GALNT2: variants seen among roughly 807,000 people sequenced by gnomAD.
The protein encoded by GALNT2 is UDP-GalNAc:polypeptide N-acetylgalactosaminyltransferase 2.
A neutral mutation model predicts 81.4 loss-of-function variants in GALNT2; 31 were observed. That is an observed-to-expected ratio of 0.38 (90% CI 0.29 to 0.51). The LOEUF (loss-of-function observed/expected upper bound fraction) is 0.51, where lower values mean the gene tolerates loss of function less well. Among genes scored for constraint, GALNT2 ranks in the 20% least tolerant of loss-of-function variants. GALNT2 has a pLI of 0.87. For synonymous variants in GALNT2, 303 were observed against 287.4 expected, an observed-to-expected ratio of 1.05 and a Z score of -0.55; for missense variants, 629 against 765.7, an observed-to-expected ratio of 0.82 and a Z score of 2.11.
chr1:230,200,853 A>G (rs1345958917), intron 2 of GALNT2, among the ~76,000 whole-genome samples: 1 of 152,194 alleles, frequency 6.6e-6, no homozygotes, highest in Non-Finnish European at 1.5e-5. Context: ...TCTTTATTCC[A>G]TAGTTCAAAG....
Position 230,178,270 on chromosome 1 carries a change from A to G in GALNT2, c.179A>G (p.Asn60Ser), listed in dbSNP as rs149587406. Reference protein sequence around the residue: ...PIKKKDLHHSNGEEKAQSMET... With the variant: ...PIKKKDLHHSSGEEKAQSMET... ...AAAAAGAAAGACCTTCATCACAGCA[A>G]TGGAGAAGAGAAAGCACAAAGCATG... The change falls in exon 2 of 16, where the codon AAT (asparagine) becomes AGT (serine). Residue 60 changes from asparagine (N) to serine (S), a missense_variant. Physicochemically the swap from Asn to Ser is conservative, Grantham distance 46. This residue lies in a region of GALNT2 where 360 missense variants were observed against 492.8 expected (regional missense o/e 0.73). Coordinates refer to ENST00000366672, the MANE Select transcript of GALNT2 (RefSeq NM_004481.5). 1.5e-5 allele frequency: 25 copies of G among 1,614,152 alleles called. No individual in the cohort carries two copies. In the African/African-American group the frequency reaches 3.3e-4, roughly 22 times the overall value.
intron 6 of GALNT2, among the ~76,000 whole-genome samples, chr1:230,238,067 A>G (rs1361049018): frequency 2.0e-5 from 3 of 152,224 alleles, no homozygotes; most frequent in Non-Finnish European, 4.4e-5. Context: ...GAGAAGCCAG[A>G]TTATGGAAAG....
intron 1 of GALNT2, among the ~76,000 whole-genome samples, chr1:230,147,141 T>G (rs181222647): frequency 6.6e-6 from 1 of 152,128 alleles, no homozygotes; most frequent in African/African-American, 2.4e-5. Context: ...GGGTGGGCAG[T>G]GCCAAGCTGG....
chr1:230,161,762 A>C (rs1662444458), intron 1 of GALNT2, among the ~76,000 whole-genome samples: 1 of 152,148 alleles, frequency 6.6e-6, no homozygotes, highest in Non-Finnish European at 1.5e-5. Flanking sequence ...TTGTGAAGTT[A>C]ATTGAGACTA....
At chr1:230,096,640 G>T (rs1347614018) in intron 1 of GALNT2, among the ~76,000 whole-genome samples, 3 of 151,944 alleles carry the variant, frequency 2.0e-5, no homozygotes, top group Non-Finnish European at 2.9e-5. Context: ...CTCCCTCCCT[G>T]CTCCCATCCT....
intron 1 of GALNT2, among the ~76,000 whole-genome samples, chr1:230,115,354 G>A (rs142569806): frequency 6.6e-6 from 1 of 152,208 alleles, no homozygotes; most frequent in East Asian, 1.9e-4. Flanking sequence ...AGAAAATTGT[G>A]GGTTTGATTT....
At chr1:230,245,236 G>A (rs185507559) in intron 7 of GALNT2, among the ~76,000 whole-genome samples, 176 of 152,220 alleles carry the variant, frequency 1.2e-3, no homozygotes, top group African/African-American at 4.0e-3. Context: ...GGCCGAGGCA[G>A]GCAGATCACC....
chr1:230,103,666 G>A (rs1328866773), intron 1 of GALNT2, among the ~76,000 whole-genome samples: 2 of 151,796 alleles, frequency 1.3e-5, no homozygotes, highest in Non-Finnish European at 2.9e-5. Context: ...ACAAGTAGGT[G>A]GCACACAAAA....
intron 2 of GALNT2, among the ~76,000 whole-genome samples, chr1:230,190,355 C>T (rs191499452): frequency 4.6e-5 from 7 of 152,354 alleles, no homozygotes; most frequent in Admixed American, 3.3e-4. Context: ...GCATGGGATG[C>T]GCCAAGACCC....
At chr1:230,206,527 G>C (rs532313369) in intron 3 of GALNT2, among the ~76,000 whole-genome samples, 1 of 152,296 alleles carries the variant, frequency 6.6e-6, no homozygotes, top group African/African-American at 2.4e-5. Context: ...GTAAGCTCTA[G>C]AATTACCATT....
intron 1 of GALNT2, among the ~76,000 whole-genome samples, chr1:230,151,986 T>A (rs976553399): frequency 6.6e-6 from 1 of 152,202 alleles, no homozygotes; most frequent in African/African-American, 2.4e-5. Context: ...CTGGTGGAAG[T>A]GTAGCAGTGA....
In GALNT2 at chr1:230,271,403, GCAATTCTC is replaced by G. The variant is rs1367867351; in HGVS notation, c.1441-3025_1441-3018del. ...CTGTGGGCTTTTCCCCCCACACCAA[GCAATTCTC>G]CAATTCTCCAATTCTCTGCGGACAC... On this transcript the variant is annotated intron_variant, in intron 14 of 15. Coordinates refer to ENST00000366672, the MANE Select transcript of GALNT2 (RefSeq NM_004481.5). The surrounding 1 kb of genome is among the most constrained non-coding windows in gnomAD (Gnocchi z 4.2). Among the ~76,000 whole-genome samples the G allele has an allele frequency of 6.6e-6, 1 of 152,244 alleles. No homozygotes were observed. Among genetic ancestry groups the G allele is most frequent in the African/African-American group, 2.4e-5 (1 of 41,542 alleles).
chr1:230,090,365 T>C (rs2102765101), intron 1 of GALNT2, among the ~76,000 whole-genome samples: 1 of 152,190 alleles, frequency 6.6e-6, no homozygotes, highest in South Asian at 2.1e-4. Flanking sequence ...CAGTCTGAAG[T>C]GGGGTGGGTG....
chr1:230,155,417 T>C (rs1408588528), intron 1 of GALNT2, among the ~76,000 whole-genome samples: 1 of 152,250 alleles, frequency 6.6e-6, no homozygotes, highest in Non-Finnish European at 1.5e-5. Flanking sequence ...TCATTTCAGC[T>C]GGCTGTCCTT....
intron 2 of GALNT2, among the ~76,000 whole-genome samples, chr1:230,191,861 C>T (rs1277924351): frequency 6.6e-6 from 1 of 152,268 alleles, no homozygotes; most frequent in East Asian, 1.9e-4. Flanking sequence ...CAACAGTTCT[C>T]GCTGTCCAGT....
chr1:230,078,722 G>T (rs1311186288), intron 1 of GALNT2, among the ~76,000 whole-genome samples: 1 of 152,224 alleles, frequency 6.6e-6, no homozygotes, highest in African/African-American at 2.4e-5. Context: ...CGGTCTGTGA[G>T]GTCATTTCTG....
intron 13 of GALNT2, chr1:230,264,809 G>A (rs897151016): frequency 6.4e-6 from 1 of 156,484 alleles, no homozygotes; most frequent in African/African-American, 2.4e-5. Context: ...GTTCACATTA[G>A]ACCACCTGAC....
At chr1:230,197,881 T>C (rs553591126) in intron 2 of GALNT2, among the ~76,000 whole-genome samples, 2 of 152,278 alleles carry the variant, frequency 1.3e-5, no homozygotes, top group African/African-American at 2.4e-5. Flanking sequence ...CTGCACCCTC[T>C]GTTCCCCCGT....
chr1:230,230,832 A>G (rs1664845112), intron 3 of GALNT2, among the ~76,000 whole-genome samples: 2 of 152,132 alleles, frequency 1.3e-5, no homozygotes, highest in African/African-American at 4.8e-5. Flanking sequence ...GATGGTGCAT[A>G]TTCATCTAGG....
Sources: gnomAD v4.1 joint callset for allele counts (sites outside exome capture counted in the v4.1 genomes callset) on GRCh38, gnomAD v4.1.1 for gene constraint, gnomAD v4.1.1 regional missense constraint, Gnocchi (gnomAD v3.1) non-coding constraint, MANE v1.5 for transcripts, NCBI Gene and HGNC (gene_info 2026-07-23, HGNC 2026-07-21) for gene names.